The following DGKI variants were observed in gnomAD, a reference collection of about 807,000 sequenced individuals.
DGKI encodes diacylglycerol kinase iota, also known as DAG kinase iota.
A neutral mutation model predicts 147.5 loss-of-function variants in DGKI; 55 were observed. The ratio of observed to expected loss-of-function variants is 0.37; its 90% CI spans 0.30 to 0.47. The LOEUF is 0.47. Ranked by LOEUF, DGKI falls within the 20% of genes least tolerant of loss-of-function variation. The probability of loss-of-function intolerance (pLI) is 1.00; values close to 1 mark genes in which losing one functional copy is unlikely to be tolerated. For synonymous variants in DGKI, 469 were observed against 477.1 expected, an observed-to-expected ratio of 0.98 and a Z score of 0.22; for missense variants, 1,007 against 1,323.8, an observed-to-expected ratio of 0.76 and a Z score of 3.71.
intron 26 of DGKI, among the ~76,000 whole-genome samples, chr7:137,464,556 T>A (rs533459285): frequency 5.6e-4 from 85 of 152,258 alleles, no homozygotes; most frequent in Admixed American, 3.3e-3. Flanking sequence ...CCTGTCGGCC[T>A]TCCCCCATGC....
intron 23 of DGKI, among the ~76,000 whole-genome samples, chr7:137,472,045 GTA>G (rs201511101): frequency 0.062 from 7,976 of 127,930 alleles, 642 homozygotes; most frequent in African/African-American, 0.18. Context: ...CACTATATAT[GTA>G]TATATGTTAT....
chr7:137,489,548 T>C (rs1284596459), intron 21 of DGKI, among the ~76,000 whole-genome samples: 1 of 152,148 alleles, frequency 6.6e-6, no homozygotes, highest in Non-Finnish European at 1.5e-5. Context: ...AGAGTAATCA[T>C]CTTCAGCTAG....
chr7:137,459,600 G>A (rs571245489), intron 27 of DGKI, among the ~76,000 whole-genome samples: 6 of 148,386 alleles, frequency 4.0e-5, no homozygotes, highest in South Asian at 4.3e-4. Context: ...TCAGCCTCCC[G>A]AGTAGCTGGG....
rs577227201 is a variant in DGKI, at chr7:137,572,006, T to C, written c.1836-720A>G. ...TCTGGAATAAAATTGTAACTGACTATATTGAGCACTGCCAAGAATAATCAG... is the reference window on the plus strand; with the variant it reads ...TCTGGAATAAAATTGTAACTGACTACATTGAGCACTGCCAAGAATAATCAG... On this transcript the variant is annotated intron_variant, in intron 18 of 32. Transcript: ENST00000614521. Among the ~76,000 whole-genome samples, 83 of 152,340 alleles carry C rather than the reference T, an allele frequency of 5.4e-4. 1 individual carries two copies. Among genetic ancestry groups the C allele is most frequent in the African/African-American group, 2.0e-3 (82 of 41,578 alleles).
intron 19 of DGKI, among the ~76,000 whole-genome samples, chr7:137,562,686 T>C (rs1221516368): frequency 6.6e-6 from 1 of 152,220 alleles, no homozygotes; most frequent in Non-Finnish European, 1.5e-5. Flanking sequence ...CTCAACAATT[T>C]AGACAAAATA....
rs1815617984 is a variant in DGKI at position 137,487,708 on chromosome 7, G to T, written c.2249-19C>A. ...GGTATCGCTAAGGGTGAAGGAAGAA[G>T]AAAAATCTAAAATAACATATTTGAT... On this transcript the variant is annotated intron_variant, in intron 21 of 32. Transcript: ENST00000614521. The T allele has an allele frequency of 2.5e-6, 4 of 1,605,422 alleles. No homozygotes were observed. The highest frequency in any genetic ancestry group is 2.6e-6 in the Non-Finnish European group (3 of 1,174,232).
chr7:137,479,454 C>T (rs1815294494), intron 23 of DGKI, among the ~76,000 whole-genome samples: 1 of 152,058 alleles, frequency 6.6e-6, no homozygotes, highest in South Asian at 2.1e-4. Context: ...CCAACTGGCA[C>T]AAATTATATA....
At chr7:137,700,085 G>A (rs964867392) in intron 1 of DGKI, among the ~76,000 whole-genome samples, 5 of 152,190 alleles carry the variant, frequency 3.3e-5, no homozygotes, top group Admixed American at 6.5e-5. Flanking sequence ...CTACTTCGAT[G>A]TCAGGCCTAG....
At chr7:137,811,019 C>T (rs1797550495) in intron 1 of DGKI, among the ~76,000 whole-genome samples, 1 of 152,176 alleles carries the variant, frequency 6.6e-6, no homozygotes, top group Non-Finnish European at 1.5e-5. Context: ...CAAGCTCATG[C>T]ATCAGCCTTG....
intron 5 of DGKI, 101 bp from the exon 6 acceptor site, chr7:137,645,638 T>C: frequency 9.3e-7 from 1 of 1,071,792 alleles, no homozygotes; most frequent in Non-Finnish European, 1.3e-6. Context: ...ATAATCATAG[T>C]TCACTGCAGC....
In DGKI at chr7:137,417,406, C is replaced by T. The variant is rs1449845970; in HGVS notation, c.2762-5199G>A. Among the ~76,000 whole-genome samples the T allele has an allele frequency of 1.1e-4, 17 of 152,256 alleles. No individual in the cohort carries two copies. The South Asian group carries it at 3.5e-3, about 32-fold the overall frequency. ...GAAATGGTTTATTTTTCCTTCTATG[C>T]TGTATCTTCAAATAAATTGTTTTTC... On this transcript the variant is annotated intron_variant, in intron 28 of 32. Coordinates refer to ENST00000614521, the MANE Select transcript of DGKI (RefSeq NM_001321708.2).
chr7:137,744,703 G>A (rs1795274020), intron 1 of DGKI, among the ~76,000 whole-genome samples: 1 of 152,116 alleles, frequency 6.6e-6, no homozygotes, highest in Admixed American at 6.5e-5. Flanking sequence ...CCATGATAAA[G>A]TCAGCTTTAA....
intron 6 of DGKI, among the ~76,000 whole-genome samples, chr7:137,625,798 T>C (rs1820917638): frequency 6.6e-6 from 1 of 151,940 alleles, no homozygotes; most frequent in African/African-American, 2.4e-5. Context: ...GTACATTTTG[T>C]CCTTCTGGAA....
chr7:137,781,204 A>T (rs1319598101), intron 1 of DGKI, among the ~76,000 whole-genome samples: 2 of 152,226 alleles, frequency 1.3e-5, no homozygotes, highest in Non-Finnish European at 2.9e-5. Flanking sequence ...GGTACTACTC[A>T]AAAGGCATAG....
rs1811165222 is a variant in DGKI at position 137,385,932 on chromosome 7, G to A, written c.*5288C>T. The A allele has an allele frequency of 6.6e-6, 1 of 151,980 alleles. No individual in the cohort carries two copies. The highest frequency in any genetic ancestry group is 2.4e-5 in the African/African-American group (1 of 41,404). 9.4% of individuals were successfully genotyped at this position (151,980 alleles called of 1,614,324 possible). ...CCAGCTTCATGAAATCAAGAGTTTT[G>A]TCTATTACATTCATTGTTATATCCT... is the stretch of plus-strand genomic sequence containing the variant. On this transcript the variant is annotated 3_prime_UTR_variant, in exon 33 of 33. Transcript: ENST00000614521.
intron 10 of DGKI, among the ~76,000 whole-genome samples, chr7:137,602,489 A>AT (rs147821415): frequency 0.019 from 2,860 of 152,304 alleles, 75 homozygotes; most frequent in African/African-American, 0.064. Flanking sequence ...GCATGATATG[A>AT]TTACATCTTT....
At chr7:137,819,219 G>C (rs931515511) in intron 1 of DGKI, among the ~76,000 whole-genome samples, 1 of 151,926 alleles carries the variant, frequency 6.6e-6, no homozygotes, top group African/African-American at 2.4e-5. Flanking sequence ...ACTCACAGAC[G>C]TTACACCAGA....
chr7:137,691,079 G>T (rs1425693902), intron 1 of DGKI, among the ~76,000 whole-genome samples: 1 of 152,132 alleles, frequency 6.6e-6, no homozygotes, highest in East Asian at 1.9e-4. Context: ...GAATCAGGAG[G>T]GTCTTGTGAT....
intron 1 of DGKI, among the ~76,000 whole-genome samples, chr7:137,800,027 G>A (rs1158882875): frequency 6.6e-6 from 1 of 152,186 alleles, no homozygotes; most frequent in Non-Finnish European, 1.5e-5. Context: ...ACCAGGGGTG[G>A]CAGGGATAGG....
Sources: allele counts gnomAD v4.1 joint callset (sites outside exome capture counted in the v4.1 genomes callset), GRCh38; gene constraint gnomAD v4.1.1; transcripts MANE v1.5; gene names NCBI Gene and HGNC (gene_info 2026-07-23, HGNC 2026-07-21).